MCU: variants seen among roughly 807,000 people sequenced by gnomAD.
The protein encoded by MCU is mitochondrial calcium uniporter, also known as calcium uniporter protein, mitochondrial.
Under a neutral mutation model 45.2 loss-of-function variants are expected in MCU, and 12 were observed. The observed-to-expected ratio is 0.27, with a 90% CI of 0.17 to 0.43. MCU has a LOEUF of 0.43. MCU is among the 20% of genes least tolerant of loss of function. MCU has a pLI of 1.00. For synonymous variants in MCU, 160 were observed against 165.1 expected, an observed-to-expected ratio of 0.97 and a Z score of 0.24; for missense variants, 324 against 436.7, an observed-to-expected ratio of 0.74 and a Z score of 2.30.
rs141692573 is a variant in MCU, at chr10:72,769,088, A to G, written c.151-65271A>G. 2.9e-3 allele frequency among the ~76,000 whole-genome samples: 445 copies of G among 152,192 alleles called. 1 individual carries two copies. Among genetic ancestry groups the G allele is most frequent in the Non-Finnish European group, 5.1e-3 (345 of 68,020 alleles). ...AGGCTGGTATCTACCTTCTGGGCTC[A>G]AGTGATCCTCCCTCCTCAAAGCACT... On this transcript the variant is annotated intron_variant, in intron 1 of 7. Coordinates refer to ENST00000373053, the MANE Select transcript of MCU (RefSeq NM_138357.3).
intron 1 of MCU, among the ~76,000 whole-genome samples, chr10:72,706,185 C>T: frequency 6.8e-6 from 1 of 147,322 alleles, no homozygotes; most frequent in African/African-American, 2.5e-5. Flanking sequence ...TTTTGATTTC[C>T]TTTAGGGACT....
At chr10:72,817,620 ATTG>A (rs968003189) in intron 1 of MCU, among the ~76,000 whole-genome samples, 21 of 152,146 alleles carry the variant, frequency 1.4e-4, no homozygotes, top group African/African-American at 3.1e-4. Context: ...TTTTTGTTTT[ATTG>A]TTGTTGTTGT....
chr10:72,859,398 A>C, intron 3 of MCU, 51 bp downstream of exon 3: 1 of 1,520,738 alleles, frequency 6.6e-7, no homozygotes, highest in Non-Finnish European at 9.0e-7. Context: ...TTCACCCCAC[A>C]CCATTTCTAG....
chr10:72,746,829 T>A (rs1300313396), intron 1 of MCU, among the ~76,000 whole-genome samples: 1 of 152,228 alleles, frequency 6.6e-6, no homozygotes. Context: ...ATGTAGTTAT[T>A]ATGTACTGAA....
intron 1 of MCU, among the ~76,000 whole-genome samples, chr10:72,816,678 T>C (rs10823943): frequency 0.57 from 86,110 of 152,064 alleles, 25,723 homozygotes; most frequent in Non-Finnish European, 0.67. Context: ...GATGCTGAGG[T>C]AGTGGATGGC....
chr10:72,703,402 A>G (rs1842782041), intron 1 of MCU, among the ~76,000 whole-genome samples: 1 of 152,218 alleles, frequency 6.6e-6, no homozygotes, highest in African/African-American at 2.4e-5. Context: ...TGTCACACCT[A>G]GCATATAAAC....
chr10:72,738,654 G>A (rs1843283389), intron 1 of MCU, among the ~76,000 whole-genome samples: 1 of 152,136 alleles, frequency 6.6e-6, no homozygotes, highest in Non-Finnish European at 1.5e-5. Context: ...GCTATATTTG[G>A]CACCCAGTTT....
At chr10:72,716,812 G>A (rs1842960627) in intron 1 of MCU, among the ~76,000 whole-genome samples, 1 of 152,064 alleles carries the variant, frequency 6.6e-6, no homozygotes, top group Non-Finnish European at 1.5e-5. Flanking sequence ...ATTTGAGGCT[G>A]CAGTGAGCTG....
At chr10:72,750,557 A>G (rs1254083980) in intron 1 of MCU, among the ~76,000 whole-genome samples, 1 of 152,204 alleles carries the variant, frequency 6.6e-6, no homozygotes. Flanking sequence ...ATGATCCAGT[A>G]GGCTTTTACA....
At chr10:72,822,431 A>G (rs1844727397) in intron 1 of MCU, among the ~76,000 whole-genome samples, 1 of 152,240 alleles carries the variant, frequency 6.6e-6, no homozygotes, top group African/African-American at 2.4e-5. Context: ...CAACACATTT[A>G]AAATTTCACA....
intron 1 of MCU, among the ~76,000 whole-genome samples, chr10:72,829,801 T>C (rs1021820768): frequency 1.3e-5 from 2 of 152,226 alleles, no homozygotes; most frequent in African/African-American, 4.8e-5. Flanking sequence ...TTTTTGTTTT[T>C]TGTTTGTTGT....
chr10:72,858,073 G>A (rs1174231258), intron 2 of MCU, among the ~76,000 whole-genome samples: 1 of 152,158 alleles, frequency 6.6e-6, no homozygotes, highest in Non-Finnish European at 1.5e-5. Context: ...CAGGCTGCAG[G>A]GTGGCCATTC....
intron 1 of MCU, among the ~76,000 whole-genome samples, chr10:72,722,215 C>T (rs1479303853): frequency 6.8e-6 from 1 of 146,962 alleles, no homozygotes; most frequent in East Asian, 2.0e-4. Context: ...ACTTGGGAGG[C>T]TGAGGCAGGA....
chr10:72,698,955 C>T (rs1842722908), intron 1 of MCU, among the ~76,000 whole-genome samples: 1 of 152,140 alleles, frequency 6.6e-6, no homozygotes, highest in Non-Finnish European at 1.5e-5. Context: ...AGGCACAATC[C>T]ACCACACTGG....
chr10:72,868,808 G>T lies in MCU; in HGVS notation c.602G>T (p.Arg201Met). 1 of 1,614,160 alleles carries T rather than the reference G, an allele frequency of 6.2e-7. No homozygotes were observed. Among genetic ancestry groups the T allele is most frequent in the Non-Finnish European group, 8.5e-7 (1 of 1,180,028 alleles). The change falls in exon 5 of 8, where the codon AGG (arginine) becomes ATG (methionine). Residue 201 changes from arginine (R) to methionine (M), a missense_variant. By Grantham distance (91) the Arg-to-Met change is moderately conservative. This residue lies in a region of MCU where 135 missense variants were observed against 207.3 expected (regional missense o/e 0.65). Coordinates refer to ENST00000373053, the MANE Select transcript of MCU (RefSeq NM_138357.3). ...CIEQHQLNKE[R>M]ELIERLEDLK... is the part of the protein sequence containing the mutation. ...GAGCAGCACCAGTTAAACAAGGAAA[G>T]GGAGCTTATTGAAAGACTAGAGGAT...
intron 1 of MCU, among the ~76,000 whole-genome samples, chr10:72,748,047 A>T (rs1404826012): frequency 6.6e-6 from 1 of 151,640 alleles, no homozygotes; most frequent in Admixed American, 6.6e-5. Context: ...TCTTACGACA[A>T]CCATCTTTTT....
intron 7 of MCU, 114 bp from the exon 8 acceptor site, chr10:72,885,631 T>C (rs1589514640): frequency 1.0e-5 from 7 of 695,880 alleles, no homozygotes; most frequent in East Asian, 5.1e-5. Context: ...TTGAGAGTTA[T>C]TGAGATGATC....
chr10:72,746,524 T>G (rs541903970), intron 1 of MCU, among the ~76,000 whole-genome samples: 1 of 152,352 alleles, frequency 6.6e-6, no homozygotes, highest in Non-Finnish European at 1.5e-5. Flanking sequence ...ATTAGAACAG[T>G]ATCCTAAGCA....
At chr10:72,882,029 A>G (rs1051658445) in intron 6 of MCU, among the ~76,000 whole-genome samples, 1 of 152,234 alleles carries the variant, frequency 6.6e-6, no homozygotes, top group Admixed American at 6.5e-5. Context: ...GATTTCATGG[A>G]CATTTATTAG....
Sources: allele counts gnomAD v4.1 joint callset (sites outside exome capture counted in the v4.1 genomes callset), GRCh38; gene constraint gnomAD v4.1.1; regional missense constraint gnomAD v4.1.1; transcripts MANE v1.5; gene names NCBI Gene and HGNC (gene_info 2026-07-23, HGNC 2026-07-21).